The following GNAO1 variants were observed in gnomAD, a reference collection of about 807,000 sequenced individuals.
GNAO1 encodes G protein subunit alpha o1, also known as guanine nucleotide-binding protein G(o) subunit alpha.
For missense variants in GNAO1, 166 were observed against 478.7 expected (o/e 0.35, Z 6.10); for synonymous variants, 164 against 180.7 (o/e 0.91, Z 0.74).
intron 3 of GNAO1, among the ~76,000 whole-genome samples, chr16:56,314,715 A>G (rs2143615196): frequency 6.6e-6 from 1 of 152,286 alleles, no homozygotes; most frequent in Admixed American, 6.5e-5. Context: ...CTACTTTTGC[A>G]CCATCCGTGC....
chr16:56,229,287 T>C (rs8058037), intron 2 of GNAO1, among the ~76,000 whole-genome samples: 21,460 of 152,162 alleles, frequency 0.14, 2,013 homozygotes, highest in African/African-American at 0.26. Context: ...TCACTGCGAC[T>C]TCCACCTCCC....
intron 6 of GNAO1, chr16:56,348,187 G>A: frequency 1.0e-6 from 1 of 984,554 alleles, no homozygotes; most frequent in Non-Finnish European, 1.2e-6. Flanking sequence ...AATAAAAAGT[G>A]CCCGCTTTCC....
chr16:56,310,208 G>C (rs1348442614), intron 3 of GNAO1, among the ~76,000 whole-genome samples: 1 of 152,074 alleles, frequency 6.6e-6, no homozygotes, highest in Non-Finnish European at 1.5e-5. Flanking sequence ...TGCTCCCGTA[G>C]TCCTAGGTAC....
chr16:56,229,204 T>C (rs2036563826), intron 2 of GNAO1, among the ~76,000 whole-genome samples: 1 of 149,242 alleles, frequency 6.7e-6, no homozygotes, highest in Non-Finnish European at 1.5e-5. Flanking sequence ...TTTTGTTTTT[T>C]TGTTTGTTTG....
intron 4 of GNAO1, among the ~76,000 whole-genome samples, chr16:56,331,915 T>C (rs1262227924): frequency 6.6e-6 from 1 of 152,152 alleles, no homozygotes; most frequent in African/African-American, 2.4e-5. Flanking sequence ...AGCTGCTCTG[T>C]GTGCTCCTCC....
chr16:56,265,570 G>A (rs191884389), intron 2 of GNAO1, among the ~76,000 whole-genome samples: 14 of 152,334 alleles, frequency 9.2e-5, no homozygotes, highest in African/African-American at 3.1e-4. Flanking sequence ...ACATGTGGAC[G>A]GTGGTTCCCT....
rs576232190 is a variant in GNAO1, at chr16:56,326,723, A to G, written c.304-1908A>G. Among the ~76,000 whole-genome samples, 8 of 152,340 alleles carry G rather than the reference A, an allele frequency of 5.3e-5. 1 individual carries two copies. In the South Asian group the frequency reaches 1.7e-3, roughly 32 times the overall value. ...CGGGGCACCGACTCAAACTGCAGCC[A>G]GCTATACACCTGAGGCAGTGAGCTC... On this transcript the variant is annotated intron_variant, in intron 3 of 8. Transcript: ENST00000262493. The surrounding 1 kb of genome is among the most constrained non-coding windows in gnomAD (Gnocchi z 4.8).
At chr16:56,312,176 G>A (rs1471755265) in intron 3 of GNAO1, among the ~76,000 whole-genome samples, 1 of 152,216 alleles carries the variant, frequency 6.6e-6, no homozygotes, top group Non-Finnish European at 1.5e-5. Flanking sequence ...AAGCAGGGCT[G>A]CACGGGGCTG....
At chr16:56,323,838 A>G (rs2037602054) in intron 3 of GNAO1, among the ~76,000 whole-genome samples, 1 of 152,144 alleles carries the variant, frequency 6.6e-6, no homozygotes, top group Admixed American at 6.6e-5. Flanking sequence ...CATGGGAGGG[A>G]ACCATGGAGG....
chr16:56,312,916 G>C (rs1364332597), intron 3 of GNAO1, among the ~76,000 whole-genome samples: 2 of 152,316 alleles, frequency 1.3e-5, no homozygotes, highest in South Asian at 4.1e-4. Context: ...AAAGTCTCAG[G>C]CTGGTGCTTG....
chr16:56,243,834 T>G (rs1022373276), intron 2 of GNAO1, among the ~76,000 whole-genome samples: 1 of 152,182 alleles, frequency 6.6e-6, no homozygotes, highest in Non-Finnish European at 1.5e-5. Flanking sequence ...TTGAAAACAT[T>G]TATTGAGCTC....
At chr16:56,341,893 T>C (rs1369109423) in intron 6 of GNAO1, among the ~76,000 whole-genome samples, 3 of 152,218 alleles carry the variant, frequency 2.0e-5, no homozygotes, top group Non-Finnish European at 4.4e-5. Flanking sequence ...CAGCCCGACC[T>C]GCCCTGAGGC....
intron 3 of GNAO1, among the ~76,000 whole-genome samples, chr16:56,277,776 TACAC>T (rs60891936): frequency 0.033 from 3,571 of 107,998 alleles, 117 homozygotes; most frequent in East Asian, 0.058. Context: ...GCACACCCCC[TACAC>T]ACACACACAC....
At chr16:56,204,038 G>A (rs768866832) in intron 2 of GNAO1, among the ~76,000 whole-genome samples, 13 of 152,166 alleles carry the variant, frequency 8.5e-5, no homozygotes, top group Non-Finnish European at 1.8e-4. Flanking sequence ...CTAAGGAATT[G>A]GTAGGAAAGG....
chr16:56,347,935 ATCT>A (rs1442131341), intron 6 of GNAO1: 4 of 914,412 alleles, frequency 4.4e-6, no homozygotes, highest in East Asian at 2.4e-4. Flanking sequence ...CCTGCTGAGT[ATCT>A]TCTTCCTCCC....
intron 2 of GNAO1, among the ~76,000 whole-genome samples, chr16:56,227,687 CAAAAAAAAAAAA>C (rs386384777): frequency 2.7e-4 from 17 of 61,956 alleles, no homozygotes; most frequent in African/African-American, 1.0e-3. Context: ...GACCCTGTCT[CAAAAAAAAAAAA>C]AAAAAAAAAA....
chr16:56,329,788 CT>C (rs754338277), intron 4 of GNAO1, among the ~76,000 whole-genome samples: 1 of 152,076 alleles, frequency 6.6e-6, no homozygotes, highest in Non-Finnish European at 1.5e-5. Flanking sequence ...CAGCTGGGGC[CT>C]TTTTGCCTCC....
At chr16:56,335,746 G>C (rs1373790428) in intron 5 of GNAO1, among the ~76,000 whole-genome samples, 8 of 152,202 alleles carry the variant, frequency 5.3e-5, no homozygotes, top group South Asian at 2.1e-4. Flanking sequence ...CACAGGATGG[G>C]GATCTCAGCT....
chr16:56,248,375 C>A (rs2036768999), intron 2 of GNAO1, among the ~76,000 whole-genome samples: 1 of 152,142 alleles, frequency 6.6e-6, no homozygotes, highest in South Asian at 2.1e-4. Context: ...TTGTGAACAC[C>A]TACTGTGTCC....
Sources: gnomAD v4.1 joint callset for allele counts (sites outside exome capture counted in the v4.1 genomes callset) on GRCh38, gnomAD v4.1.1 for gene constraint, Gnocchi (gnomAD v3.1) non-coding constraint, MANE v1.5 for transcripts, NCBI Gene and HGNC (gene_info 2026-07-23, HGNC 2026-07-21) for gene names.